TMCO5A: variants seen among roughly 807,000 people sequenced by gnomAD.
The protein encoded by TMCO5A is transmembrane and coiled-coil domains 5A, also known as transmembrane and coiled-coil domain-containing protein 5A.
A neutral mutation model predicts 42.3 loss-of-function variants in TMCO5A; 34 were observed. The observed-to-expected ratio is 0.80, with a 90% CI of 0.61 to 1.07. The LOEUF (loss-of-function observed/expected upper bound fraction) is 1.07, where lower values mean the gene tolerates loss of function less well. Ranked by LOEUF, TMCO5A falls within the 50% of genes least tolerant of loss-of-function variation. The pLI is 0.00. For missense variants in TMCO5A, 357 were observed against 327.9 expected (o/e 1.09, Z -0.69); for synonymous variants, 131 against 115.6 (o/e 1.13, Z -0.86).
chr15:37,942,907 A>G (rs953085452), intron 9 of TMCO5A: 3 of 153,540 alleles, frequency 2.0e-5, no homozygotes, highest in Admixed American at 6.5e-5. Flanking sequence ...TTTATGAAAT[A>G]TTTTTAAATC....
chr15:37,982,977 C>A, the TMCO5A span, among the ~76,000 whole-genome samples: 5,604 of 151,920 alleles, frequency 0.037, 379 homozygotes, highest in African/African-American at 0.13. Context: ...AATCAATCTA[C>A]CTTTCCCCTC....
chr15:38,003,252 C>CTCTCTCTCTCTCTCT, the TMCO5A span, among the ~76,000 whole-genome samples: 1 of 151,434 alleles, frequency 6.6e-6, no homozygotes, highest in African/African-American at 2.4e-5. Flanking sequence ...CTCTCTGTCT[C>CTCTCTCTCTCTCTCT]CTCCCATCAC....
the TMCO5A span, among the ~76,000 whole-genome samples, chr15:37,979,391 G>A: frequency 6.6e-6 from 1 of 152,174 alleles, no homozygotes; most frequent in Non-Finnish European, 1.5e-5. Flanking sequence ...AATGCCACAT[G>A]AAACTGGACT....
intron 11 of TMCO5A, among the ~76,000 whole-genome samples, chr15:37,959,109 C>T (rs1180213460): frequency 1.3e-5 from 2 of 151,570 alleles, no homozygotes; most frequent in African/African-American, 4.9e-5. Context: ...CACACTGGGG[C>T]CTGTCAGGGG....
At chr15:37,966,325 A>C (rs1890555295) in intron 11 of TMCO5A, among the ~76,000 whole-genome samples, 2 of 152,078 alleles carry the variant, frequency 1.3e-5, no homozygotes, top group Admixed American at 1.3e-4. Flanking sequence ...TGATAGCAAA[A>C]CAGGGTGACT....
At chr15:37,995,451 T>G in the TMCO5A span, among the ~76,000 whole-genome samples, 1 of 152,240 alleles carries the variant, frequency 6.6e-6, no homozygotes, top group Non-Finnish European at 1.5e-5. Context: ...GATTTTTATT[T>G]CTCCTCTTTC....
At chr15:37,971,553 A>G (rs1220828221), downstream of TMCO5A, among the ~76,000 whole-genome samples, 6 of 152,212 alleles carry the variant, frequency 3.9e-5, no homozygotes, top group Non-Finnish European at 7.3e-5. Flanking sequence ...TTCTCCTCAG[A>G]AAATGGGATT....
intron 10 of TMCO5A, 75 bp from the exon 11 acceptor site, chr15:37,947,581 G>A: frequency 1.1e-6 from 1 of 924,302 alleles, no homozygotes; most frequent in Non-Finnish European, 1.7e-6. Flanking sequence ...ATAACTAATG[G>A]CTCACTAAAT....
At chr15:37,962,893 G>C (rs1890466873) in intron 11 of TMCO5A, among the ~76,000 whole-genome samples, 1 of 151,808 alleles carries the variant, frequency 6.6e-6, no homozygotes, top group Non-Finnish European at 1.5e-5. Context: ...AATATCTCCT[G>C]TTTCATTTCT....
the TMCO5A span, among the ~76,000 whole-genome samples, chr15:38,024,132 A>G: frequency 6.6e-6 from 1 of 152,200 alleles, no homozygotes; most frequent in African/African-American, 2.4e-5. Context: ...GAGAAGGGAC[A>G]ATGGTCTCTG....
chr15:37,968,583 T>C (rs1335085138), downstream of TMCO5A, among the ~76,000 whole-genome samples: 2 of 120,920 alleles, frequency 1.7e-5, no homozygotes, highest in Non-Finnish European at 1.6e-5. Context: ...TCTACATTTC[T>C]TTTTTTTTTT....
chr15:37,946,220 A>G (rs941277080), intron 10 of TMCO5A, among the ~76,000 whole-genome samples: 3 of 152,016 alleles, frequency 2.0e-5, no homozygotes, highest in Admixed American at 6.6e-5. Flanking sequence ...TCATTGGTCT[A>G]TGTGTCTGTT....
chr15:37,951,701 G>A (rs937132819), downstream of TMCO5A, among the ~76,000 whole-genome samples: 1 of 151,918 alleles, frequency 6.6e-6, no homozygotes, highest in Non-Finnish European at 1.5e-5. Flanking sequence ...GAATAAATAA[G>A]CCAGGCAAGA....
At chr15:38,014,494 G>T in the TMCO5A span, among the ~76,000 whole-genome samples, 1 of 152,018 alleles carries the variant, frequency 6.6e-6, no homozygotes, top group African/African-American at 2.4e-5. Flanking sequence ...TTATGAATTT[G>T]CTAGAACTAA....
At chr15:37,954,803 G>A (rs1192323772), downstream of TMCO5A, among the ~76,000 whole-genome samples, 1 of 151,858 alleles carries the variant, frequency 6.6e-6, no homozygotes, top group Non-Finnish European at 1.5e-5. Flanking sequence ...AAAAAGTGGG[G>A]GTACAAAGTT....
At chr15:37,977,991 T>C in the TMCO5A span, among the ~76,000 whole-genome samples, 13 of 152,236 alleles carry the variant, frequency 8.5e-5, no homozygotes, top group South Asian at 2.7e-3. Context: ...GCACTCAGGG[T>C]CTTTGTTCCT....
intron 11 of TMCO5A, among the ~76,000 whole-genome samples, chr15:37,961,800 T>C (rs987951211): frequency 6.6e-6 from 1 of 151,962 alleles, no homozygotes; most frequent in African/African-American, 2.4e-5. Flanking sequence ...TGAGCTACTG[T>C]AAAAGGGGTT....
intron 9 of TMCO5A, 22 bp from the exon 10 acceptor site, chr15:37,943,319 G>A (rs1369667943): frequency 1.2e-6 from 2 of 1,610,222 alleles, no homozygotes; most frequent in Admixed American, 3.4e-5. Flanking sequence ...TTCAATTTCT[G>A]TCCTGGCTGT....
At chr15:37,960,199 A>T (rs1890387773) in intron 11 of TMCO5A, among the ~76,000 whole-genome samples, 1 of 151,436 alleles carries the variant, frequency 6.6e-6, no homozygotes, top group South Asian at 2.1e-4. Flanking sequence ...ACTCTTCCCC[A>T]CAAGTCCCCA....
Sources: gnomAD v4.1 joint callset for allele counts (sites outside exome capture counted in the v4.1 genomes callset) on GRCh38, gnomAD v4.1.1 for gene constraint, MANE v1.5 for transcripts, NCBI Gene and HGNC (gene_info 2026-07-23, HGNC 2026-07-21) for gene names.